The following CNTNAP4 variants were observed in gnomAD, a reference collection of about 807,000 sequenced individuals.
CNTNAP4 encodes the protein contactin-associated protein-like 4.
Under a neutral mutation model 148.4 loss-of-function variants are expected in CNTNAP4, and 98 were observed. That is an observed-to-expected ratio of 0.66 (90% CI 0.56 to 0.78). CNTNAP4 has a LOEUF of 0.78. Among genes scored for constraint, CNTNAP4 ranks in the 30% least tolerant of loss-of-function variants. CNTNAP4 has a pLI of 0.00. For missense variants in CNTNAP4, 1,935 were observed against 1,565.6 expected (o/e 1.24, Z -3.98); for synonymous variants, 730 against 565.1 (o/e 1.29, Z -4.14).
chr16:76,386,581 G>C (rs2016533821), intron 3 of CNTNAP4, among the ~76,000 whole-genome samples: 1 of 152,064 alleles, frequency 6.6e-6, no homozygotes, highest in Non-Finnish European at 1.5e-5. Context: ...TAATTTTCCA[G>C]AGCCTAACCT....
intron 4 of CNTNAP4, among the ~76,000 whole-genome samples, chr16:76,445,864 G>T (rs1157800815): frequency 6.6e-6 from 1 of 152,054 alleles, no homozygotes; most frequent in Non-Finnish European, 1.5e-5. Flanking sequence ...AAATGTGTCA[G>T]CATTTAAAGT....
intron 9 of CNTNAP4, among the ~76,000 whole-genome samples, chr16:76,467,066 G>C (rs1309595848): frequency 6.6e-6 from 1 of 152,028 alleles, no homozygotes; most frequent in Non-Finnish European, 1.5e-5. Context: ...GCATGTTTAG[G>C]ATTCTGGAGC....
At position 76,483,137 on chromosome 16, in the gene CNTNAP4, C is replaced by T. The variant is rs775575772; in HGVS notation, c.1882+3599C>T. ...AATTCTATGTTCCCATAAATGCATCCGGATCTATACACATACACATGTTAT... is the reference window on the plus strand; with the variant it reads ...AATTCTATGTTCCCATAAATGCATCTGGATCTATACACATACACATGTTAT... On this transcript the variant is annotated intron_variant, in intron 12 of 23. Coordinates refer to ENST00000611870, the MANE Select transcript of CNTNAP4 (RefSeq NM_033401.5). Among the ~76,000 whole-genome samples, 21 of 151,906 alleles carry T rather than the reference C, an allele frequency of 1.4e-4. No homozygotes were observed. In the East Asian group the frequency reaches 1.7e-3, roughly 13 times the overall value.
At chr16:76,278,278 G>A (rs573317758) in intron 1 of CNTNAP4, among the ~76,000 whole-genome samples, 1 of 152,284 alleles carries the variant, frequency 6.6e-6, no homozygotes, top group Admixed American at 6.5e-5. Flanking sequence ...TGGCTGAGGC[G>A]AGTCTCAGTA....
At position 76,553,295 on chromosome 16, in the gene CNTNAP4, TG is replaced by T; in HGVS notation, c.3457del (p.Asp1153ThrfsTer27). 6.3e-7 allele frequency: 1 copy of T among 1,597,384 alleles called. No homozygotes were observed. The highest frequency in any genetic ancestry group is 8.6e-7 in the Non-Finnish European group (1 of 1,166,502). On this transcript the variant is annotated frameshift_variant, in exon 22 of 24. Coordinates refer to ENST00000611870, the MANE Select transcript of CNTNAP4 (RefSeq NM_033401.5). LOFTEE classifies it high-confidence loss of function. ...VLGRILEHSD[V>X]DQDTALAGAQ... ...TTTGAATTTCTAGAACACAGTGATG[TG>T]GACCAGGATACTGCACTGGCAGGTG...
rs1434462294 is a variant in CNTNAP4 at position 76,509,556 on chromosome 16, C to G, written c.2365+10862C>G. ...ATTCAACGTAAGTGATCCCGCTAAA[C>G]TTACAAAAAAAGATTATGCGCGTTT... On this transcript the variant is annotated intron_variant, in intron 15 of 23. Coordinates refer to ENST00000611870, the MANE Select transcript of CNTNAP4 (RefSeq NM_033401.5). Among the ~76,000 whole-genome samples, 2 of 97,344 alleles carry G rather than the reference C, an allele frequency of 2.1e-5. 1 individual carries two copies. The allele number at this position is 97,344 out of a possible 152,430, so 63.9% of individuals were successfully genotyped here.
rs779733828 is a variant in CNTNAP4, at chr16:76,448,971, A to G, written c.927+20A>G. On this transcript the variant is annotated intron_variant, in intron 6 of 23. Coordinates refer to ENST00000611870, the MANE Select transcript of CNTNAP4 (RefSeq NM_033401.5). ...TATGAGGTGTGATGGTTATGTTTCAATTAATGCTGATTTTATTATGTATAT... is the reference window on the plus strand; with the variant it reads ...TATGAGGTGTGATGGTTATGTTTCAGTTAATGCTGATTTTATTATGTATAT... 14 of 1,599,702 alleles carry G rather than the reference A, an allele frequency of 8.8e-6. No homozygotes were observed. The Admixed American group carries it at 1.0e-4, about 12-fold the overall frequency.
intron 1 of CNTNAP4, among the ~76,000 whole-genome samples, chr16:76,304,169 C>G (rs1177569668): frequency 6.6e-6 from 1 of 151,994 alleles, no homozygotes; most frequent in African/African-American, 2.4e-5. Flanking sequence ...CATCATTATC[C>G]TCATTTCGAG....
At chr16:76,515,440 C>G (rs1003622118) in intron 15 of CNTNAP4, among the ~76,000 whole-genome samples, 2 of 152,178 alleles carry the variant, frequency 1.3e-5, no homozygotes, top group African/African-American at 4.8e-5. Flanking sequence ...AGACCCCACT[C>G]TCTGTGCTGA....
At chr16:76,293,835 T>TAA (rs201927804) in intron 1 of CNTNAP4, among the ~76,000 whole-genome samples, 9 of 146,024 alleles carry the variant, frequency 6.2e-5, no homozygotes, top group Non-Finnish European at 8.9e-5. Flanking sequence ...TTTTTTTTTT[T>TAA]AAAAAAAAGG....
At chr16:76,401,340 G>A (rs1251617655) in intron 3 of CNTNAP4, among the ~76,000 whole-genome samples, 1 of 151,944 alleles carries the variant, frequency 6.6e-6, no homozygotes, top group Non-Finnish European at 1.5e-5. Flanking sequence ...CTCTTGGCTT[G>A]GTTCTTGGCT....
intron 2 of CNTNAP4, among the ~76,000 whole-genome samples, chr16:76,328,635 T>C (rs1466576724): frequency 1.3e-5 from 2 of 152,072 alleles, no homozygotes; most frequent in Non-Finnish European, 2.9e-5. Context: ...AAATGTACCA[T>C]ATGCCTGTAA....
intron 1 of CNTNAP4, among the ~76,000 whole-genome samples, chr16:76,313,732 A>G (rs1434584131): frequency 6.6e-6 from 1 of 152,218 alleles, no homozygotes; most frequent in Non-Finnish European, 1.5e-5. Context: ...TGGGAAAGGC[A>G]TTCAAGAACA....
At chr16:76,471,881 A>G (rs1394797882) in intron 10 of CNTNAP4, among the ~76,000 whole-genome samples, 2 of 152,142 alleles carry the variant, frequency 1.3e-5, no homozygotes, top group Non-Finnish European at 2.9e-5. Context: ...CCTAGCGCTC[A>G]TTGGCACTTA....
intron 3 of CNTNAP4, among the ~76,000 whole-genome samples, chr16:76,381,789 G>T (rs912832722): frequency 6.6e-6 from 1 of 152,088 alleles, no homozygotes; most frequent in Non-Finnish European, 1.5e-5. Context: ...TGCCGGGTGC[G>T]GTGGCTCACG....
Position 76,365,996 on chromosome 16 carries a change from A to T in CNTNAP4, c.390+10485A>T, listed in dbSNP as rs114286531. Among the ~76,000 whole-genome samples, 407 of 152,162 alleles carry T rather than the reference A, an allele frequency of 2.7e-3. 7 individuals carry two copies. The highest frequency in any genetic ancestry group is 9.3e-3 in the African/African-American group (386 of 41,514). On this transcript the variant is annotated intron_variant, in intron 3 of 23. Transcript: ENST00000611870. The stretch of plus-strand genomic sequence containing the variant: ...GCTTAATTTATCTTCATGGAAATAT[A>T]TATTCTGAAGCTACTCTTGTTGATC...
chr16:76,518,476 C>T (rs939990495), intron 15 of CNTNAP4, among the ~76,000 whole-genome samples: 3 of 152,060 alleles, frequency 2.0e-5, no homozygotes, highest in Non-Finnish European at 2.9e-5. Context: ...ATTGAATTGA[C>T]AATGATGTAG....
intron 12 of CNTNAP4, among the ~76,000 whole-genome samples, chr16:76,486,457 G>A (rs1597702925): frequency 6.6e-6 from 1 of 152,120 alleles, no homozygotes; most frequent in East Asian, 1.9e-4. Flanking sequence ...TGGTGGAGGA[G>A]GGAAGTCACT....
At chr16:76,535,474 T>C in intron 17 of CNTNAP4, 71 bp from the exon 18 acceptor site, 2 of 1,542,326 alleles carry the variant, frequency 1.3e-6, no homozygotes, top group Non-Finnish European at 1.8e-6. Context: ...AAGGCCTCAG[T>C]TTTGTTTGGT....
Sources: gnomAD v4.1 joint callset for allele counts (sites outside exome capture counted in the v4.1 genomes callset) on GRCh38, gnomAD v4.1.1 for gene constraint, MANE v1.5 for transcripts, NCBI Gene and HGNC (gene_info 2026-07-23, HGNC 2026-07-21) for gene names.